Variants in TRIM28 observed in about 807,000 individuals in gnomAD.
The protein encoded by TRIM28 is transcription intermediary factor 1-beta.
TRIM28 carries 8 observed loss-of-function variants against 87.4 expected under a neutral mutation model. The ratio of observed to expected loss-of-function variants is 0.09; its 90% CI spans 0.05 to 0.17. The LOEUF is 0.17. Among genes scored for constraint, TRIM28 ranks in the 10% least tolerant of loss-of-function variants. TRIM28 has a pLI of 1.00. For missense variants in TRIM28, 968 were observed against 1,131.8 expected, an observed-to-expected ratio of 0.86 and a Z score of 2.08; for synonymous variants, 601 against 454.3, an observed-to-expected ratio of 1.32 and a Z score of -4.11.
chr19:58,547,506 C>A lies in TRIM28; in HGVS notation c.717C>A (p.Asp239Glu). 1 of 1,614,070 alleles carries A rather than the reference C, an allele frequency of 6.2e-7. No homozygotes were observed. The highest frequency in any genetic ancestry group is 8.5e-7 in the Non-Finnish European group (1 of 1,179,984). The change falls in exon 4 of 17, where the codon GAC becomes GAA. Residue 239 changes from aspartate (D) to glutamate (E), a missense_variant. By Grantham distance (45) the Asp-to-Glu change is conservative (BLOSUM62 2). Transcript: ENST00000253024. ...CRDCQLNAHK[D>E]HQYQFLEDAV... ...ACTGCCAGCTCAATGCCCACAAGGA[C>A]CACCAGTGAGTCCCAAGGCATAGTG...
intron 1 of TRIM28, 62 bp from the exon 2 acceptor site, chr19:58,545,363 T>TG: frequency 7.5e-7 from 1 of 1,334,848 alleles, no homozygotes; most frequent in Non-Finnish European, 1.1e-6. Context: ...AGCAGGGGAA[T>TG]GGTGGGGGCC....
At chr19:58,550,114 C>T (rs370895799) in intron 15 of TRIM28, 33 bp from the exon 16 acceptor site, 188 of 1,613,358 alleles carry the variant, frequency 1.2e-4, no homozygotes, top group Non-Finnish European at 1.5e-4. Flanking sequence ...ATATGTGTGT[C>T]TTTGTGTGTG....
Position 58,544,722 on chromosome 19 carries a change from C to T in TRIM28, c.-36C>T. ...GCGCCTGCGCGGCGGGCCCCGCGCC[C>T]CTCCTCCCCCCCTGGGCGCCCCCGG... is the stretch of plus-strand genomic sequence containing the variant. On this transcript the variant is annotated 5_prime_UTR_variant, in exon 1 of 17. Coordinates refer to ENST00000253024, the MANE Select transcript of TRIM28 (RefSeq NM_005762.3). 1 of 987,004 alleles carries T rather than the reference C, an allele frequency of 1.0e-6. No homozygotes were observed. The highest frequency in any genetic ancestry group is 1.8e-5 in the African/African-American group (1 of 56,922). The allele number at this position is 987,004 out of a possible 1,614,324, so 61.1% of individuals were successfully genotyped here. A position where few individuals can be genotyped will look rare whatever the true frequency, so the allele number is the denominator to read the frequency against.
At position 58,550,500 on chromosome 19, in the gene TRIM28, G is replaced by C. The variant is rs2053807692; in HGVS notation, c.2455G>C (p.Gly819Arg). Residue 819 changes from glycine (G) to arginine (R), a missense_variant, in exon 17 of 17, where the codon GGT becomes CGT. Coordinates refer to ENST00000253024, the MANE Select transcript of TRIM28 (RefSeq NM_005762.3). ...GGAGCCCCCGCCGATGAGCCTGCCT[G>C]GTGCTGGCCTGAGTTCCCAGGAGCT... ...LVEPPPMSLP[G>R]AGLSSQELSG... The C allele has an allele frequency of 1.2e-6, 2 of 1,612,758 alleles. No homozygotes were observed. Among genetic ancestry groups the C allele is most frequent in the Non-Finnish European group, 1.7e-6 (2 of 1,180,002 alleles).
chr19:58,550,306 G>T, intron 16 of TRIM28, 22 bp downstream of exon 16: 1 of 1,613,924 alleles, frequency 6.2e-7, no homozygotes, highest in Non-Finnish European at 8.5e-7. Flanking sequence ...GAATGGAGAG[G>T]CTGTGGGCAG....
chr19:58,545,269 G>A lies in TRIM28; in HGVS notation c.341-156G>A, dbSNP rs1209776533. On this transcript the variant is annotated intron_variant, in intron 1 of 16. Coordinates refer to ENST00000253024, the MANE Select transcript of TRIM28 (RefSeq NM_005762.3). ...TGGGTTTGTGCTGGCCGCTGAGATG[G>A]GACATCTGACTAAAGTTGGAGAAAA... 2.0e-5 allele frequency: 18 copies of A among 880,408 alleles called. 1 individual carries two copies. In the Middle Eastern group the frequency reaches 1.4e-3, roughly 71 times the overall value. The allele number at this position is 880,408 out of a possible 1,614,324, so 54.5% of individuals were successfully genotyped here. A position where few individuals can be genotyped will look rare whatever the true frequency, so the allele number is the denominator to read the frequency against.
In TRIM28 at chr19:58,548,894, G is replaced by C. The variant is rs1384900225; in HGVS notation, c.1393G>C (p.Val465Leu). The C allele has an allele frequency of 6.2e-7, 1 of 1,614,118 alleles. No homozygotes were observed. The change falls in exon 11 of 17, where the codon GTG becomes CTG. Residue 465 changes from valine (V) to leucine (L), a missense_variant. This residue lies in a region of TRIM28 where 119 missense variants were observed against 93.6 expected (regional missense o/e 1.27). Coordinates refer to ENST00000253024, the MANE Select transcript of TRIM28 (RefSeq NM_005762.3). ...TCCCTACTCAAGTGCAGAGCCCCAT[G>C]TGTCAGGTGTGAAACGGTAAGTATG... is the stretch of plus-strand genomic sequence containing the variant. ...DDPYSSAEPH[V>L]SGVKRSRSGE... is the part of the protein sequence containing the mutation.
intron 3 of TRIM28, chr19:58,547,152 C>G: frequency 1.7e-6 from 1 of 581,618 alleles, no homozygotes; most frequent in East Asian, 2.9e-5. Context: ...TCTCTAGAAG[C>G]TAGAAGAAAG....
rs1163724346 is a variant in TRIM28 at position 58,550,152 on chromosome 19, G to C, written c.2199G>C (p.Gln733His). 1.2e-6 allele frequency: 2 copies of C among 1,613,886 alleles called. No individual in the cohort carries two copies. The highest frequency in any genetic ancestry group is 1.7e-6 in the Non-Finnish European group (2 of 1,179,986). ...LATDSTFSLD[Q>H]PGGTLDLTLI... ...TGTGTGATCTCTGCCTGCAGGACCA[G>C]CCCGGTGGCACCCTGGATCTGACCC... Residue 733 changes from glutamine (Q) to histidine (H), a missense_variant, in exon 16 of 17, where the codon CAG becomes CAC. Gln to His is a conservative substitution (Grantham distance 24). Around this residue, in one of 11 missense-constraint regions of TRIM28, gnomAD observed 192 missense variants for 225.6 expected, o/e 0.85. Coordinates refer to ENST00000253024, the MANE Select transcript of TRIM28 (RefSeq NM_005762.3).
Position 58,545,015 on chromosome 19 carries a change from G to C in TRIM28, c.258G>C (p.Ser86=), listed in dbSNP as rs1421482343. The part of the protein sequence containing the change: ...REPRLLPCLH[S]ACSACLGPAA... ...CCCGCCTGCTGCCCTGTTTGCACTC[G>C]GCCTGTAGTGCCTGCTTAGGGCCCG... Residue 86 remains serine, a synonymous_variant, in exon 1 of 17, where the codon TCG becomes TCC. Transcript: ENST00000253024. The C allele has an allele frequency of 2.0e-6, 3 of 1,502,206 alleles. No homozygotes were observed. Among genetic ancestry groups the C allele is most frequent in the Non-Finnish European group, 2.6e-6 (3 of 1,136,438 alleles). The allele number at this position is 1,502,206 out of a possible 1,614,324, so 93.1% of individuals were successfully genotyped here. A position where few individuals can be genotyped will look rare whatever the true frequency, so the allele number is the denominator to read the frequency against.
rs2053782702 is a variant in TRIM28 at position 58,548,588 on chromosome 19, G to A, written c.1319G>A (p.Ser440Asn). The A allele has an allele frequency of 6.3e-7, 1 of 1,585,960 alleles. No homozygotes were observed. Among genetic ancestry groups the A allele is most frequent in the South Asian group, 1.1e-5 (1 of 90,506 alleles). The change falls in exon 9 of 17, where the codon AGC (serine) becomes AAC (asparagine). Residue 440 changes from serine to asparagine, a missense_variant. By Grantham distance (46) the Ser-to-Asn change is conservative. Around this residue, in one of 11 missense-constraint regions of TRIM28, gnomAD observed 119 missense variants for 93.6 expected, o/e 1.27. Transcript: ENST00000253024. Reference protein sequence around the residue: ...GPLSKQGSGSSQPMEVQEGYG... With the variant: ...GPLSKQGSGSNQPMEVQEGYG... The stretch of plus-strand genomic sequence containing the variant: ...CTGAGCAAGCAGGGCTCTGGCAGCA[G>A]CCAGGTGAGCAGGAGAGAGGACCCA...
rs1197519724 is a variant in TRIM28 at position 58,544,973 on chromosome 19, G to A, written c.216G>A (p.Leu72=). The A allele has an allele frequency of 6.6e-7, 1 of 1,514,150 alleles. No individual in the cohort carries two copies. Among genetic ancestry groups the A allele is most frequent in the Admixed American group, 2.2e-5 (1 of 46,094 alleles). 93.8% of individuals were successfully genotyped at this position (1,514,150 alleles called of 1,614,324 possible). A position where few individuals can be genotyped will look rare whatever the true frequency, so the allele number is the denominator to read the frequency against. ...LEHCGVCRER[L]RPEREPRLLP... ...ACTGCGGCGTGTGCAGAGAGCGCCTGCGACCCGAGAGGGAGCCCCGCCTGC... is the reference window on the plus strand; with the variant it reads ...ACTGCGGCGTGTGCAGAGAGCGCCTACGACCCGAGAGGGAGCCCCGCCTGC... Residue 72 remains leucine, a synonymous_variant, in exon 1 of 17, where the codon CTG becomes CTA. Transcript: ENST00000253024.
chr19:58,550,619 C>G lies in TRIM28; in HGVS notation c.*66C>G, dbSNP rs1374442656. 1 of 1,508,224 alleles carries G rather than the reference C, an allele frequency of 6.6e-7. No individual in the cohort carries two copies. Among genetic ancestry groups the G allele is most frequent in the East Asian group, 2.3e-5 (1 of 42,838 alleles). 93.4% of individuals were successfully genotyped at this position (1,508,224 alleles called of 1,614,324 possible). On this transcript the variant is annotated 3_prime_UTR_variant, in exon 17 of 17. Transcript: ENST00000253024. ...CTGTCCTGTCACCCCATCCCCACTC[C>G]CCTGGTGGCCTGACTCCCACTCCCT...
chr19:58,550,561 G>T lies in TRIM28; in HGVS notation c.*8G>T. On this transcript the variant is annotated 3_prime_UTR_variant, in exon 17 of 17. Transcript: ENST00000253024. Reference sequence around the variant, plus strand: ...CCTGGTGATGGCCCCTGAGGCTGGAGCCCCCATGGCCAGCCCAGCCTGGCT... The same window carrying T: ...CCTGGTGATGGCCCCTGAGGCTGGATCCCCCATGGCCAGCCCAGCCTGGCT... 1.2e-6 allele frequency: 2 copies of T among 1,601,208 alleles called. No individual in the cohort carries two copies. The highest frequency in any genetic ancestry group is 2.7e-5 in the African/African-American group (2 of 74,842).
In TRIM28 at chr19:58,544,998, C is replaced by A; in HGVS notation, c.241C>A (p.Leu81Met). The part of the protein sequence containing the change: ...RLRPEREPRL[L>M]PCLHSACSAC... ...GCGACCCGAGAGGGAGCCCCGCCTG[C>A]TGCCCTGTTTGCACTCGGCCTGTAG... Residue 81 changes from leucine (L) to methionine (M), a missense_variant, in exon 1 of 17, where the codon CTG becomes ATG. Leu to Met is a conservative substitution (Grantham distance 15). Transcript: ENST00000253024. 1 of 1,514,796 alleles carries A rather than the reference C, an allele frequency of 6.6e-7. No homozygotes were observed. Among genetic ancestry groups the A allele is most frequent in the Admixed American group, 2.2e-5 (1 of 46,226 alleles). The allele number at this position is 1,514,796 out of a possible 1,614,324, so 93.8% of individuals were successfully genotyped here. A position where few individuals can be genotyped will look rare whatever the true frequency, so the allele number is the denominator to read the frequency against.
chr19:58,550,531 G>T lies in TRIM28; in HGVS notation c.2486G>T (p.Gly829Val). 1 of 1,609,670 alleles carries T rather than the reference G, an allele frequency of 6.2e-7. No individual in the cohort carries two copies. ...GAGLSSQELS[G>V]GPGDGP The stretch of plus-strand genomic sequence containing the variant: ...GGCCTGAGTTCCCAGGAGCTGTCTG[G>T]TGGCCCTGGTGATGGCCCCTGAGGC... Residue 829 changes from glycine to valine, a missense_variant, in exon 17 of 17, where the codon GGT becomes GTT. Gly to Val is a moderately radical substitution (Grantham distance 109, BLOSUM62 -3). This residue lies in a region of TRIM28 where 192 missense variants were observed against 225.6 expected (regional missense o/e 0.85). Coordinates refer to ENST00000253024, the MANE Select transcript of TRIM28 (RefSeq NM_005762.3).
chr19:58,546,413 G>T (rs2053761726), intron 3 of TRIM28, among the ~76,000 whole-genome samples: 1 of 152,220 alleles, frequency 6.6e-6, no homozygotes, highest in Non-Finnish European at 1.5e-5. Context: ...GCTAGCTTTG[G>T]TTTGGAAGGA....
chr19:58,544,677 A>G lies in TRIM28; in HGVS notation c.-81A>G, dbSNP rs1027782789. The G allele has an allele frequency of 1.2e-4, 63 of 543,042 alleles. No individual in the cohort carries two copies. The highest frequency in any genetic ancestry group is 2.2e-4 in the South Asian group (3 of 13,616). 33.6% of individuals were successfully genotyped at this position (543,042 alleles called of 1,614,324 possible). A position where few individuals can be genotyped will look rare whatever the true frequency, so the allele number is the denominator to read the frequency against. ...GCGGCGGCGGCGGCAGCGGCCCAGC[A>G]GTTGGCGGCGAGCGCGTCTGCGCCT... On this transcript the variant is annotated 5_prime_UTR_variant, in exon 1 of 17. Transcript: ENST00000253024.
chr19:58,545,772 T>C lies in TRIM28; in HGVS notation c.462T>C (p.Thr154=), dbSNP rs147982467. The change falls in exon 3 of 17, where the codon ACT becomes ACC. Residue 154 remains threonine, a synonymous_variant. Transcript: ENST00000253024. ...TDAQDANQCC[T]SCEDNAPATS... ...CTGCCTTTGTCTGGCAGTGCTGCAC[T>C]AGCTGTGAGGATAATGCCCCAGCCA... 16 of 1,607,576 alleles carry C rather than the reference T, an allele frequency of 1.0e-5. No individual in the cohort carries two copies. The African/African-American group carries it at 1.9e-4, about 19-fold the overall frequency.
Sources: allele counts gnomAD v4.1 joint callset (sites outside exome capture counted in the v4.1 genomes callset), GRCh38; gene constraint gnomAD v4.1.1; regional missense constraint gnomAD v4.1.1; transcripts MANE v1.5; gene names NCBI Gene and HGNC (gene_info 2026-07-23, HGNC 2026-07-21).